TDP1: variants seen among roughly 807,000 people sequenced by gnomAD.
The protein encoded by TDP1 is tyr-DNA phosphodiesterase 1.
A neutral mutation model predicts 81.5 loss-of-function variants in TDP1; 64 were observed. The observed-to-expected ratio is 0.79, with a 90% confidence interval of 0.64 to 0.97. The LOEUF (loss-of-function observed/expected upper bound fraction) is 0.97. Ranked by LOEUF, TDP1 falls within the 50% of genes least tolerant of loss-of-function variation. TDP1 has a pLI of 0.00. For missense variants in TDP1, 723 were observed against 743.8 expected (o/e 0.97, Z 0.33); for synonymous variants, 256 against 264.3 (o/e 0.97, Z 0.30).
chr14:90,020,556 TCCCTCCCTC>T (rs1885914366), intron 15 of TDP1, among the ~76,000 whole-genome samples: 1 of 13,394 alleles, frequency 7.5e-5, no homozygotes, highest in African/African-American at 1.0e-3. Flanking sequence ...CTTCCTTCCT[TCCCTCCCTC>T]CCTCCCTTCC....
intron 1 of TDP1, chr14:89,956,355 A>G (rs572742724): frequency 8.3e-4 from 126 of 152,390 alleles, no homozygotes; most frequent in African/African-American, 2.8e-3. Flanking sequence ...TCGGTTTCCC[A>G]GTATAGGAGG....
intron 14 of TDP1, among the ~76,000 whole-genome samples, chr14:90,008,735 G>GT (rs1229656257): frequency 1.3e-5 from 2 of 152,002 alleles, no homozygotes; most frequent in African/African-American, 4.8e-5. Context: ...TTTTTGTTTT[G>GT]TTTTTTGAGA....
At chr14:89,988,668 A>C in intron 10 of TDP1, 2 of 981,892 alleles carry the variant, frequency 2.0e-6, no homozygotes, top group Non-Finnish European at 2.4e-6. Flanking sequence ...GTACAAATCA[A>C]ATAATTTTGG....
intron 6 of TDP1, among the ~76,000 whole-genome samples, chr14:89,971,793 G>A (rs1286456732): frequency 6.6e-6 from 1 of 152,076 alleles, no homozygotes; most frequent in Non-Finnish European, 1.5e-5. Flanking sequence ...AGTGGCTGTG[G>A]GTTTCTTTTT....
chr14:89,962,961 T>C, intron 2 of TDP1, 147 bp from the exon 3 acceptor site: 3 of 1,508,980 alleles, frequency 2.0e-6, no homozygotes, highest in South Asian at 2.6e-5. Flanking sequence ...GTAATGTGCT[T>C]ATAAACACCC....
chr14:89,983,982 C>T (rs961472686), intron 8 of TDP1: 2 of 287,702 alleles, frequency 7.0e-6, no homozygotes, highest in Non-Finnish European at 1.0e-5. Flanking sequence ...ATAGGACCTA[C>T]GTTATGAAAA....
intron 14 of TDP1, among the ~76,000 whole-genome samples, chr14:90,007,560 A>C (rs1370011665): frequency 6.6e-6 from 1 of 152,018 alleles, no homozygotes; most frequent in African/African-American, 2.4e-5. Context: ...CTGCACTCCA[A>C]CCTGGGTAAT....
chr14:90,003,062 C>T (rs979486187), intron 14 of TDP1, among the ~76,000 whole-genome samples: 5 of 152,020 alleles, frequency 3.3e-5, no homozygotes, highest in East Asian at 3.9e-4. Context: ...CTCAGCCTCC[C>T]GAGTAGCTGG....
At chr14:90,010,454 AG>A (rs1225243729) in intron 14 of TDP1, among the ~76,000 whole-genome samples, 1 of 152,222 alleles carries the variant, frequency 6.6e-6, no homozygotes, top group Non-Finnish European at 1.5e-5. Flanking sequence ...TATCTGGCAA[AG>A]GGGAATTAAG....
intron 11 of TDP1, 190 bp from the exon 12 acceptor site, chr14:89,989,527 A>G: frequency 1.3e-6 from 1 of 759,760 alleles, no homozygotes. Context: ...ATAATTTTAC[A>G]TCAAATATGG....
In TDP1 at chr14:90,019,356, A is replaced by G; in HGVS notation, c.1582A>G (p.Asn528Asp). Residue 528 changes from asparagine to aspartate, a missense_variant, in exon 15 of 17, where the codon AAT (asparagine) becomes GAT (aspartate). Coordinates refer to ENST00000335725, the MANE Select transcript of TDP1 (RefSeq NM_018319.4). ...SKAAWGALEK[N>D]GTQLMIRSYE... The stretch of plus-strand genomic sequence containing the variant: ...GGCTGCCTGGGGAGCATTGGAGAAG[A>G]ATGGCACCCAGCTGATGATCCGCTC... 1 of 1,613,370 alleles carries G rather than the reference A, an allele frequency of 6.2e-7. No individual in the cohort carries two copies. Among genetic ancestry groups the G allele is most frequent in the Non-Finnish European group, 8.5e-7 (1 of 1,179,378 alleles).
chr14:90,018,482 G>A (rs892115259), intron 14 of TDP1, among the ~76,000 whole-genome samples: 1 of 151,928 alleles, frequency 6.6e-6, no homozygotes, highest in African/African-American at 2.4e-5. Context: ...TTTTTCTTGA[G>A]ACGAGGTTTT....
chr14:89,955,835 G>GCGGTGGGCTTTAGGACCCCA (rs1338618709), upstream of TDP1: 1 of 152,464 alleles, frequency 6.6e-6, no homozygotes, highest in African/African-American at 2.4e-5. Flanking sequence ...TTAGGACCCA[G>GCGGTGGGCTTTAGGACCCCA]CGGTGGGCTC....
intron 14 of TDP1, among the ~76,000 whole-genome samples, chr14:89,998,412 A>G (rs368335943): frequency 0.076 from 7,257 of 95,578 alleles, 767 homozygotes; most frequent in African/African-American, 0.22. Context: ...ATATATATAT[A>G]TATATATATA....
At chr14:90,039,776 A>G (rs1278461627) in intron 16 of TDP1, among the ~76,000 whole-genome samples, 1 of 152,196 alleles carries the variant, frequency 6.6e-6, no homozygotes, top group African/African-American at 2.4e-5. Context: ...AGCAGCTAGC[A>G]TTCATTAAGT....
chr14:89,986,503 G>A (rs922392189), intron 10 of TDP1, among the ~76,000 whole-genome samples: 5 of 152,236 alleles, frequency 3.3e-5, no homozygotes, highest in African/African-American at 9.6e-5. Context: ...ATAATAGCAC[G>A]TATTATGTGT....
chr14:90,024,871 T>C (rs1886474831), intron 15 of TDP1, among the ~76,000 whole-genome samples: 2 of 152,246 alleles, frequency 1.3e-5, no homozygotes, highest in Admixed American at 1.3e-4. Context: ...GACATGCCTT[T>C]TAGTGTTTTT....
At chr14:89,977,190 G>A (rs12880397) in intron 7 of TDP1, among the ~76,000 whole-genome samples, 15,378 of 152,184 alleles carry the variant, frequency 0.1, 2,038 homozygotes, top group African/African-American at 0.31. Flanking sequence ...AGTAATTACA[G>A]TTGAACTTTT....
intron 15 of TDP1, among the ~76,000 whole-genome samples, chr14:90,029,985 G>A (rs1887098123): frequency 6.6e-6 from 1 of 152,204 alleles, no homozygotes; most frequent in African/African-American, 2.4e-5. Flanking sequence ...TATCCTCACA[G>A]TAGCCCTATG....
Sources: allele counts gnomAD v4.1 joint callset (sites outside exome capture counted in the v4.1 genomes callset), GRCh38; gene constraint gnomAD v4.1.1; transcripts MANE v1.5; gene names NCBI Gene and HGNC (gene_info 2026-07-23, HGNC 2026-07-21).